Variants in SI observed in about 807,000 individuals in gnomAD.
The protein encoded by SI is sucrase-isomaltase, also known as sucrase-isomaltase, intestinal.
In SI, 235 loss-of-function variants were observed where a neutral mutation model predicts 253.3. The ratio of observed to expected loss-of-function variants is 0.93; its 90% CI spans 0.83 to 1.03. The LOEUF (loss-of-function observed/expected upper bound fraction) is 1.03. Among genes scored for constraint, SI ranks in the 50% least tolerant of loss-of-function variants. The pLI, the probability that SI is intolerant of heterozygous loss-of-function variation, is 0.00. For missense variants in SI, 2,442 were observed against 2,211.1 expected (o/e 1.10, Z -2.09); for synonymous variants, 819 against 712.0 (o/e 1.15, Z -2.39).
the SI span, among the ~76,000 whole-genome samples, chr3:165,087,852 A>G: frequency 6.6e-6 from 1 of 152,178 alleles, no homozygotes; most frequent in Non-Finnish European, 1.5e-5. Flanking sequence ...ATGGCACATT[A>G]GCTGATTAAA....
At chr3:165,040,250 G>T (rs1480434643) in intron 18 of SI, among the ~76,000 whole-genome samples, 2 of 151,042 alleles carry the variant, frequency 1.3e-5, no homozygotes, top group Non-Finnish European at 3.0e-5. Flanking sequence ...GAGGATAGGA[G>T]GAAGGGATGG....
At chr3:165,012,930 C>CT (rs1559988805) in intron 34 of SI, 50 bp downstream of exon 34, 1 of 1,127,624 alleles carries the variant, frequency 8.9e-7, no homozygotes, top group African/African-American at 1.5e-5. Context: ...ATAATCAAGT[C>CT]TAAGTTTTGA....
chr3:165,039,985 C>A lies in SI; in HGVS notation c.2160-14G>T. The A allele has an allele frequency of 6.3e-7, 1 of 1,593,484 alleles. No homozygotes were observed. Among genetic ancestry groups the A allele is most frequent in the African/African-American group, 1.3e-5 (1 of 74,630 alleles). On this transcript the variant is annotated splice_polypyrimidine_tract_variant and intron_variant, in intron 18 of 47. Transcript: ENST00000264382. ...TCCTCATAAAACCTAAGAACAATGACAATGTTTAAAGTATAATAATGAAAA... is the reference window on the plus strand; with the variant it reads ...TCCTCATAAAACCTAAGAACAATGAAAATGTTTAAAGTATAATAATGAAAA...
At chr3:165,039,639 T>A (rs1712712563) in intron 19 of SI, among the ~76,000 whole-genome samples, 1 of 152,070 alleles carries the variant, frequency 6.6e-6, no homozygotes, top group South Asian at 2.1e-4. Context: ...ACAGTTTTTT[T>A]TTTCAGGAGA....
chr3:165,041,344 A>T (rs750091099), intron 17 of SI, among the ~76,000 whole-genome samples: 121 of 150,828 alleles, frequency 8.0e-4, no homozygotes, highest in Non-Finnish European at 1.3e-3. Context: ...GAAAAAATAA[A>T]TTTTTTTTTT....
At chr3:165,083,661 A>G in the SI span, among the ~76,000 whole-genome samples, 1 of 152,050 alleles carries the variant, frequency 6.6e-6, no homozygotes, top group Non-Finnish European at 1.5e-5. Context: ...ATTATGAATT[A>G]TAATAATAAA....
chr3:165,016,544 C>A (rs944697026), intron 31 of SI, among the ~76,000 whole-genome samples: 2 of 151,868 alleles, frequency 1.3e-5, no homozygotes, highest in Non-Finnish European at 2.9e-5. Flanking sequence ...GGAGTATTAA[C>A]AATTACATCA....
chr3:164,995,461 A>T (rs1717967239), intron 40 of SI, among the ~76,000 whole-genome samples: 2 of 151,830 alleles, frequency 1.3e-5, no homozygotes, highest in Non-Finnish European at 2.9e-5. Context: ...CAATTCGAGT[A>T]ATACATTTCA....
chr3:165,047,331 G>T (rs1281735066), intron 15 of SI, among the ~76,000 whole-genome samples: 2 of 151,944 alleles, frequency 1.3e-5, no homozygotes, highest in East Asian at 3.9e-4. Flanking sequence ...CACCTAAGAT[G>T]TTACTTGCTT....
intron 17 of SI, 132 bp from the exon 18 acceptor site, chr3:165,041,226 C>T: frequency 4.1e-6 from 3 of 736,338 alleles, no homozygotes; most frequent in Admixed American, 4.8e-5. Flanking sequence ...AAAATTATTC[C>T]TATTTCATCA....
the SI span, among the ~76,000 whole-genome samples, chr3:165,084,309 C>A: frequency 6.6e-6 from 1 of 151,966 alleles, no homozygotes; most frequent in Non-Finnish European, 1.5e-5. Flanking sequence ...TGTTTACAAA[C>A]CACCAAGTTT....
chr3:165,023,176 G>T (rs557916924), intron 26 of SI, among the ~76,000 whole-genome samples: 15 of 151,544 alleles, frequency 9.9e-5, no homozygotes, highest in African/African-American at 3.1e-4. Context: ...ATCTCTAAAA[G>T]TTGAATGAAA....
chr3:165,009,763 T>C (rs1029823571), intron 34 of SI, among the ~76,000 whole-genome samples: 2 of 152,102 alleles, frequency 1.3e-5, no homozygotes, highest in African/African-American at 4.8e-5. Context: ...CAAAGGGCCA[T>C]AGTATAAAGC....
At chr3:165,089,614 A>C in the SI span, among the ~76,000 whole-genome samples, 4 of 152,302 alleles carry the variant, frequency 2.6e-5, no homozygotes, top group African/African-American at 9.6e-5. Context: ...AAAGCTTAGC[A>C]TTTTAAACAA....
rs1717050127 is a variant in SI, at chr3:164,979,103, T to A, written c.*259A>T. The A allele has an allele frequency of 2.7e-6, 1 of 375,122 alleles. No individual in the cohort carries two copies. Among genetic ancestry groups the A allele is most frequent in the African/African-American group, 2.0e-5 (1 of 49,272 alleles). The allele number at this position is 375,122 out of a possible 1,614,324, so 23.2% of individuals were successfully genotyped here. A position where few individuals can be genotyped will look rare whatever the true frequency, so the allele number is the denominator to read the frequency against. The stretch of plus-strand genomic sequence containing the variant: ...TTTACATACATGTTTAGTAACTAGT[T>A]TACAATTGTAGCTGATACTTAACAA... On this transcript the variant is annotated 3_prime_UTR_variant, in exon 48 of 48. Transcript: ENST00000264382.
At chr3:165,004,938 GT>G (rs978680878) in intron 37 of SI, among the ~76,000 whole-genome samples, 1 of 152,040 alleles carries the variant, frequency 6.6e-6, no homozygotes. Flanking sequence ...CATGGGGGCG[GT>G]TTCCCCTACG....
intron 25 of SI, among the ~76,000 whole-genome samples, chr3:165,028,744 G>T (rs1712063209): frequency 1.3e-5 from 2 of 151,090 alleles, no homozygotes; most frequent in African/African-American, 4.8e-5. Flanking sequence ...ACATGCAGGA[G>T]AATAAAACTA....
Position 165,017,767 on chromosome 3 carries a change from G to A in SI, c.3627C>T (p.Tyr1209=), listed in dbSNP as rs1719109329. The A allele has an allele frequency of 1.2e-6, 2 of 1,609,830 alleles. No individual in the cohort carries two copies. The highest frequency in any genetic ancestry group is 1.7e-6 in the Non-Finnish European group (2 of 1,176,710). ...GPTPEVATKQ[Y]HEVIGHPVMP... ...AAGAAATATGCAATCATACTTCATG[G>A]TATTGCTTTGTTGCAACTTCTGGAG... Residue 1209 remains tyrosine, a synonymous_variant, in exon 30 of 48, where the codon TAC becomes TAT. Coordinates refer to ENST00000264382, the MANE Select transcript of SI (RefSeq NM_001041.4).
intron 31 of SI, 110 bp downstream of exon 31, chr3:165,017,438 A>T: frequency 1.9e-6 from 2 of 1,054,132 alleles, no homozygotes; most frequent in Non-Finnish European, 2.8e-6. Flanking sequence ...GCCAGTAAAA[A>T]AAGCTAAGCA....
Sources: gnomAD v4.1 joint callset for allele counts (sites outside exome capture counted in the v4.1 genomes callset) on GRCh38, gnomAD v4.1.1 for gene constraint, MANE v1.5 for transcripts, NCBI Gene and HGNC (gene_info 2026-07-23, HGNC 2026-07-21) for gene names.